The following PANK1 variants were observed in gnomAD, a reference collection of about 807,000 sequenced individuals.
PANK1 encodes pantothenic acid kinase 1.
Under a neutral mutation model 40.1 loss-of-function variants are expected in PANK1, and 18 were observed. The observed-to-expected ratio is 0.45, with a 90% CI of 0.31 to 0.67. PANK1 has a LOEUF of 0.67. Ranked by LOEUF, PANK1 falls within the 30% of genes least tolerant of loss-of-function variation. The pLI, the probability that PANK1 is intolerant of heterozygous loss-of-function variation, is 0.06. For missense variants in PANK1, 457 were observed against 599.6 expected (o/e 0.76, Z 2.48); for synonymous variants, 242 against 237.7 (o/e 1.02, Z -0.17).
At chr10:89,632,260 C>G (rs1841675002) in intron 1 of PANK1, among the ~76,000 whole-genome samples, 1 of 152,122 alleles carries the variant, frequency 6.6e-6, no homozygotes, top group African/African-American at 2.4e-5. Flanking sequence ...GAATAAAAAC[C>G]ATGAGTCTGA....
At chr10:89,618,598 T>G (rs567437822) in intron 1 of PANK1, among the ~76,000 whole-genome samples, 2 of 152,290 alleles carry the variant, frequency 1.3e-5, no homozygotes, top group East Asian at 3.9e-4. Context: ...TGGCCAAATA[T>G]TTCTGGTCTC....
intron 2 of PANK1, among the ~76,000 whole-genome samples, chr10:89,609,521 C>T (rs1269614444): frequency 6.6e-6 from 1 of 152,246 alleles, no homozygotes; most frequent in Non-Finnish European, 1.5e-5. Flanking sequence ...AACACCTATT[C>T]ATCCTCATAA....
At chr10:89,620,094 C>T (rs1033864492) in intron 1 of PANK1, among the ~76,000 whole-genome samples, 2 of 152,184 alleles carry the variant, frequency 1.3e-5, no homozygotes, top group Admixed American at 1.3e-4. Flanking sequence ...TTAATCTCGT[C>T]ATCTTCGTAA....
rs749779715 is a variant in PANK1 at position 89,645,056 on chromosome 10, C to T, written c.-165G>A. 22 of 1,561,022 alleles carry T rather than the reference C, an allele frequency of 1.4e-5. No homozygotes were observed. Among genetic ancestry groups the T allele is most frequent in the Admixed American group, 1.9e-5 (1 of 53,058 alleles). On this transcript the variant is annotated 5_prime_UTR_variant, in exon 1 of 7. Transcript: ENST00000307534. ...ACCCGGCGCTCCTCCCCTCCTCCTG[C>T]CGACTCCCCCACCTCCTCTGCGCCC...
At chr10:89,621,950 G>A (rs1160599912) in intron 1 of PANK1, among the ~76,000 whole-genome samples, 2 of 152,206 alleles carry the variant, frequency 1.3e-5, no homozygotes, top group African/African-American at 4.8e-5. Flanking sequence ...CTGACCTCAA[G>A]TGATCCACCT....
rs528001424 is a variant in PANK1, at chr10:89,609,233, T to A, written c.645+2463A>T. On this transcript the variant is annotated intron_variant, in intron 2 of 6. Transcript: ENST00000307534. Reference sequence around the variant, plus strand: ...GCGTGCGCCACCTCACCTGGCTTATTTTTGTATTTTTAGTAGAGACAGGGT... The same window carrying A: ...GCGTGCGCCACCTCACCTGGCTTATATTTGTATTTTTAGTAGAGACAGGGT... 2.4e-4 allele frequency among the ~76,000 whole-genome samples: 37 copies of A among 152,236 alleles called. 1 individual carries two copies. The highest frequency in any genetic ancestry group is 8.7e-4 in the African/African-American group (36 of 41,530).
In PANK1 at chr10:89,600,305, G is replaced by A. The variant is rs144820239; in HGVS notation, c.646-800C>T. On this transcript the variant is annotated intron_variant, in intron 2 of 6. Coordinates refer to ENST00000307534, the MANE Select transcript of PANK1 (RefSeq NM_148977.3). Reference sequence around the variant, plus strand: ...CTTCCTTGGTAGAGCATGAAGTCCCGAGGGACTGGGAACTGGGGTGAATCA... The same window carrying A: ...CTTCCTTGGTAGAGCATGAAGTCCCAAGGGACTGGGAACTGGGGTGAATCA... Among the ~76,000 whole-genome samples, 172 of 152,296 alleles carry A rather than the reference G, an allele frequency of 1.1e-3. 1 individual carries two copies. The highest frequency in any genetic ancestry group is 4.0e-3 in the African/African-American group (168 of 41,576).
At position 89,589,768 on chromosome 10, in the gene PANK1, TA is replaced by T. The variant is rs1191594372; in HGVS notation, c.1201-992del. Among the ~76,000 whole-genome samples, 815 of 140,670 alleles carry T rather than the reference TA, an allele frequency of 5.8e-3. 11 individuals are homozygous for T. The highest frequency in any genetic ancestry group is 3.9e-3 in the Non-Finnish European group (251 of 64,164). The allele number at this position is 140,670 out of a possible 152,430, so 92.3% of individuals were successfully genotyped here. A position where few individuals can be genotyped will look rare whatever the true frequency, so the allele number is the denominator to read the frequency against. ...GGAGGTAGTTTTAATAAATTTTCAT[TA>T]AAAAAAAAAACAAAAAACTAGCCAC... On this transcript the variant is annotated intron_variant, in intron 5 of 6. Transcript: ENST00000307534.
chr10:89,586,494 T>C (rs1040773642), intron 6 of PANK1, among the ~76,000 whole-genome samples: 36 of 152,220 alleles, frequency 2.4e-4, no homozygotes, highest in African/African-American at 8.0e-4. Context: ...TATGAATTTC[T>C]ATCATTGGGC....
intron 2 of PANK1, among the ~76,000 whole-genome samples, chr10:89,600,758 A>T (rs1424198439): frequency 1.3e-5 from 2 of 152,224 alleles, no homozygotes; most frequent in Non-Finnish European, 2.9e-5. Flanking sequence ...CTACTGGCCC[A>T]GAGATCTGGA....
At chr10:89,620,641 C>T (rs1030246315) in intron 1 of PANK1, among the ~76,000 whole-genome samples, 1 of 152,216 alleles carries the variant, frequency 6.6e-6, no homozygotes, top group Admixed American at 6.5e-5. Flanking sequence ...GCCTTGTGAT[C>T]TTGCTTTGCC....
chr10:89,610,346 C>T (rs547657108), intron 2 of PANK1, among the ~76,000 whole-genome samples: 3 of 152,166 alleles, frequency 2.0e-5, no homozygotes, highest in East Asian at 3.9e-4. Context: ...GGATCTCAAA[C>T]ATCTCAGTTT....
chr10:89,619,181 C>G (rs1845407325), intron 1 of PANK1, among the ~76,000 whole-genome samples: 1 of 152,186 alleles, frequency 6.6e-6, no homozygotes, highest in Non-Finnish European at 1.5e-5. Flanking sequence ...GTAGTTAAAA[C>G]TGAAATAAAT....
chr10:89,580,199 T>C (rs1297361948), downstream of PANK1: 1 of 152,234 alleles, frequency 6.6e-6, no homozygotes, highest in Admixed American at 6.5e-5. Flanking sequence ...AGCGAAAGCA[T>C]GGTTCACTCT....
intron 3 of PANK1, among the ~76,000 whole-genome samples, chr10:89,595,726 G>T (rs1844545796): frequency 6.8e-6 from 1 of 147,268 alleles, no homozygotes; most frequent in Non-Finnish European, 1.5e-5. Context: ...ATGCTGAGGT[G>T]CGGGGATTAC....
intron 3 of PANK1, among the ~76,000 whole-genome samples, chr10:89,595,430 G>A (rs778317469): frequency 1.6e-4 from 25 of 152,222 alleles, no homozygotes; most frequent in African/African-American, 2.9e-4. Context: ...CAGCCTGGGC[G>A]ACAGACACAG....
chr10:89,582,316 A>G (rs1277528487), downstream of PANK1: 1 of 152,206 alleles, frequency 6.6e-6, no homozygotes, highest in Non-Finnish European at 1.5e-5. Flanking sequence ...CTGTAATTCA[A>G]GTGAATGTGA....
At chr10:89,638,636 A>G (rs1313215743) in intron 1 of PANK1, among the ~76,000 whole-genome samples, 1 of 152,198 alleles carries the variant, frequency 6.6e-6, no homozygotes, top group East Asian at 1.9e-4. Flanking sequence ...CAAATATCGT[A>G]GTTTATTGCT....
chr10:89,629,035 G>A (rs1049165913), intron 1 of PANK1, among the ~76,000 whole-genome samples: 8 of 152,190 alleles, frequency 5.3e-5, no homozygotes, highest in South Asian at 2.1e-4. Context: ...TGCTGTGTCC[G>A]AATGCAGAGA....
Sources: gnomAD v4.1 joint callset for allele counts (sites outside exome capture counted in the v4.1 genomes callset) on GRCh38, gnomAD v4.1.1 for gene constraint, MANE v1.5 for transcripts, NCBI Gene and HGNC (gene_info 2026-07-23, HGNC 2026-07-21) for gene names.